Variants in KHDC1 observed in about 807,000 individuals in gnomAD.
The protein encoded by KHDC1 is KH domain containing 1, also known as KH homology domain-containing protein 1.
In KHDC1, 21 loss-of-function variants were observed where a neutral mutation model predicts 24.7. The observed-to-expected ratio is 0.85, with a 90% confidence interval of 0.60 to 1.23. The LOEUF (loss-of-function observed/expected upper bound fraction) is 1.23. Among genes scored for constraint, KHDC1 ranks in the 50% most tolerant of loss-of-function variants. The pLI, the probability that KHDC1 is intolerant of heterozygous loss-of-function variation, is 0.00. For synonymous variants in KHDC1, 98 were observed against 111.7 expected (o/e 0.88, Z 0.77); for missense variants, 274 against 298.5 (o/e 0.92, Z 0.61).
At chr6:73,298,068 G>A (rs549029476) in intron 1 of KHDC1, among the ~76,000 whole-genome samples, 12 of 152,110 alleles carry the variant, frequency 7.9e-5, no homozygotes, top group East Asian at 7.7e-4. Flanking sequence ...GGGCATGCCC[G>A]TATTCCCAGC....
chr6:73,308,840 G>GT (rs1768023752), intron 1 of KHDC1, among the ~76,000 whole-genome samples: 1 of 151,690 alleles, frequency 6.6e-6, no homozygotes, highest in Non-Finnish European at 1.5e-5. Flanking sequence ...TTGTTTTTTT[G>GT]TTTTTTCTTG....
chr6:73,285,635 ATTTTCTTTT>A (rs2150697232), intron 2 of KHDC1, among the ~76,000 whole-genome samples: 1 of 139,794 alleles, frequency 7.2e-6, no homozygotes, highest in Admixed American at 7.2e-5. Flanking sequence ...TGCCCGGCCC[ATTTTCTTTT>A]TTTTCTTTTT....
At chr6:73,309,860 G>T (rs1768047839) in exon 1 of KHDC1, 2 of 943,774 alleles carry the variant, frequency 2.1e-6, no homozygotes, top group Non-Finnish European at 3.1e-6. Context: ...GCCACTTCGG[G>T]TCGGGGTCAA....
intron 2 of KHDC1, among the ~76,000 whole-genome samples, chr6:73,289,882 T>C (rs1212108763): frequency 6.6e-6 from 1 of 151,334 alleles, no homozygotes; most frequent in Non-Finnish European, 1.5e-5. Flanking sequence ...GGGTGGATCA[T>C]GAGGTCAGGA....
intron 1 of KHDC1, among the ~76,000 whole-genome samples, chr6:73,296,399 G>A (rs973087735): frequency 6.6e-6 from 1 of 152,006 alleles, no homozygotes; most frequent in African/African-American, 2.4e-5. Context: ...GTTGCAGTGA[G>A]CCAAGATCAT....
At chr6:73,241,704 C>G (rs1418927716) in exon 5 of KHDC1, 1 of 1,613,994 alleles carries the variant, frequency 6.2e-7, no homozygotes, top group Non-Finnish European at 8.5e-7. Flanking sequence ...AGGCTGGCTT[C>G]GGACACGTTC....
At chr6:73,280,750 C>A (rs1767388417) in intron 2 of KHDC1, among the ~76,000 whole-genome samples, 1 of 151,542 alleles carries the variant, frequency 6.6e-6, no homozygotes, top group African/African-American at 2.4e-5. Flanking sequence ...AAACTCCAGA[C>A]CTCAGGTGAC....
chr6:73,278,091 G>A (rs1312398255), intron 2 of KHDC1, among the ~76,000 whole-genome samples: 1 of 141,656 alleles, frequency 7.1e-6, no homozygotes, highest in African/African-American at 2.6e-5. Context: ...AGCTCACTGC[G>A]ACCTCCGCCT....
intron 2 of KHDC1, chr6:73,291,105 A>C: frequency 2.1e-6 from 1 of 487,540 alleles, no homozygotes; most frequent in South Asian, 1.5e-5. Context: ...ACTGCTACTC[A>C]ATCTGAGGTT....
At chr6:73,304,006 C>G (rs1216491835) in intron 1 of KHDC1, among the ~76,000 whole-genome samples, 1 of 152,012 alleles carries the variant, frequency 6.6e-6, no homozygotes, top group East Asian at 1.9e-4. Context: ...TGGGGAAACC[C>G]CTTCTCTACT....
At chr6:73,269,504 T>TA (rs1419473856) in intron 2 of KHDC1, 1 of 152,344 alleles carries the variant, frequency 6.6e-6, no homozygotes, top group Middle Eastern at 3.1e-3. Flanking sequence ...GTGCTGGGAT[T>TA]ACAGGCATGA....
At chr6:73,242,098 C>T in exon 4 of KHDC1, 2 of 1,614,026 alleles carry the variant, frequency 1.2e-6, no homozygotes, top group South Asian at 1.1e-5. Context: ...CACAACAAAA[C>T]ATGTGCAGCA....
chr6:73,272,860 T>TC (rs1314959896), intron 2 of KHDC1, among the ~76,000 whole-genome samples: 2 of 140,512 alleles, frequency 1.4e-5, no homozygotes, highest in Non-Finnish European at 3.0e-5. Flanking sequence ...TCTTTTCTTT[T>TC]TCTTTTTTTT....
chr6:73,264,253 G>A (rs765865368), intron 2 of KHDC1, among the ~76,000 whole-genome samples: 5 of 152,152 alleles, frequency 3.3e-5, no homozygotes, highest in African/African-American at 9.7e-5. Context: ...TCTAGGTTGC[G>A]TCTTTTTCAT....
At chr6:73,248,982 A>G (rs1318431062) in intron 2 of KHDC1, among the ~76,000 whole-genome samples, 3 of 151,832 alleles carry the variant, frequency 2.0e-5, no homozygotes, top group Non-Finnish European at 4.4e-5. Flanking sequence ...GTAAAGTTTC[A>G]GAACATTTAT....
intron 2 of KHDC1, among the ~76,000 whole-genome samples, chr6:73,260,322 A>T (rs536769706): frequency 3.3e-5 from 5 of 152,316 alleles, no homozygotes; most frequent in African/African-American, 2.4e-5. Flanking sequence ...AACCCACCCT[A>T]TCATCTTTCT....
At chr6:73,245,213 T>C (rs1021608047) in intron 2 of KHDC1, among the ~76,000 whole-genome samples, 13 of 152,150 alleles carry the variant, frequency 8.5e-5, no homozygotes, top group Non-Finnish European at 1.5e-4. Flanking sequence ...GAACTGAAGA[T>C]GTTGGTTTGA....
chr6:73,292,532 T>C lies in KHDC1; in HGVS notation c.164-492A>G, dbSNP rs879111627. 9.5e-5 allele frequency: 73 copies of C among 768,904 alleles called. 1 individual carries two copies. In the African/African-American group the frequency reaches 1.2e-3, roughly 13 times the overall value. 47.6% of individuals were successfully genotyped at this position (768,904 alleles called of 1,614,324 possible). A position where few individuals can be genotyped will look rare whatever the true frequency, so the allele number is the denominator to read the frequency against. ...GGATGCAGACATGGAAGACCTTACATGGTTAAAAGAGACCATAGATAATAA... is the reference window on the plus strand; with the variant it reads ...GGATGCAGACATGGAAGACCTTACACGGTTAAAAGAGACCATAGATAATAA... On this transcript the variant is annotated intron_variant, in intron 1 of 4. Transcript: ENST00000370384.
intron 2 of KHDC1, chr6:73,263,147 A>T: frequency 1.0e-6 from 1 of 988,196 alleles, no homozygotes; most frequent in Non-Finnish European, 1.2e-6. Flanking sequence ...CGACCCTTCC[A>T]GGGGTCCCGG....
Sources: allele counts gnomAD v4.1 joint callset (sites outside exome capture counted in the v4.1 genomes callset), GRCh38; gene constraint gnomAD v4.1.1; transcripts MANE v1.5; gene names NCBI Gene and HGNC (gene_info 2026-07-23, HGNC 2026-07-21).